Variants in CNTN4 observed in about 807,000 individuals in gnomAD.
CNTN4 encodes contactin 4, also known as contactin-4.
Under a neutral mutation model 122.5 loss-of-function variants are expected in CNTN4, and 77 were observed. The ratio of observed to expected loss-of-function variants is 0.63; its 90% CI spans 0.52 to 0.76. The LOEUF is 0.76. CNTN4 is among the 30% of genes least tolerant of loss of function. The probability of loss-of-function intolerance (pLI) is 0.00; values close to 1 mark genes in which losing one functional copy is unlikely to be tolerated. For missense variants in CNTN4, 1,256 were observed against 1,259.1 expected (o/e 1.00, Z 0.04); for synonymous variants, 512 against 447.0 (o/e 1.15, Z -1.83).
chr3:2,611,310 AAAG>A (rs1171794567), intron 4 of CNTN4, among the ~76,000 whole-genome samples: 10 of 129,642 alleles, frequency 7.7e-5, no homozygotes, highest in Non-Finnish European at 1.5e-4. Flanking sequence ...AAAAAAAAAA[AAAG>A]AAAGAAAGAA....
rs191806980 is a variant in CNTN4 at position 2,709,077 on chromosome 3, C to T, written c.56-27138C>T. Among the ~76,000 whole-genome samples, 21 of 152,202 alleles carry T rather than the reference C, an allele frequency of 1.4e-4. No individual in the cohort carries two copies. Among genetic ancestry groups the T allele is most frequent in the Non-Finnish European group, 2.5e-4 (17 of 68,020 alleles). On this transcript the variant is annotated intron_variant, in intron 4 of 24. Transcript: ENST00000418658. This position sits in a 1 kb window ranked among gnomAD's most constrained non-coding sequence, Gnocchi z 5.0. ...ATAGACCATCCCCCCTCTGCTGCCACTGAATTTCATTTAGACCTCGGTGGC... is the reference window on the plus strand; with the variant it reads ...ATAGACCATCCCCCCTCTGCTGCCATTGAATTTCATTTAGACCTCGGTGGC...
rs141874692 is a variant in CNTN4, at chr3:2,806,320, T to C, written c.359-13166T>C. Among the ~76,000 whole-genome samples the C allele has an allele frequency of 6.5e-3, 986 of 152,332 alleles. 10 individuals carry two copies. Among genetic ancestry groups the C allele is most frequent in the African/African-American group, 0.022 (930 of 41,578 alleles). ...TGATGTGCGTATCATATCTGGATTG[T>C]AAACGTCTTGAGATCAGGGACCATG... On this transcript the variant is annotated intron_variant, in intron 6 of 24. Transcript: ENST00000418658.
intron 3 of CNTN4, among the ~76,000 whole-genome samples, chr3:2,389,982 G>T (rs1174757540): frequency 6.6e-6 from 1 of 152,176 alleles, no homozygotes; most frequent in African/African-American, 2.4e-5. Context: ...CATGTCAAGT[G>T]TATATGAACT....
At chr3:2,201,429 A>C (rs11707162) in intron 2 of CNTN4, among the ~76,000 whole-genome samples, 6,804 of 152,278 alleles carry the variant, frequency 0.045, 265 homozygotes, top group African/African-American at 0.11. Flanking sequence ...GCAGAGAATC[A>C]CTTAATCAAC....
At chr3:2,875,812 C>G (rs1188965690) in intron 8 of CNTN4, among the ~76,000 whole-genome samples, 1 of 152,108 alleles carries the variant, frequency 6.6e-6, no homozygotes, top group Non-Finnish European at 1.5e-5. Flanking sequence ...ACATGGATAA[C>G]TTTTTAGTAG....
intron 14 of CNTN4, chr3:2,989,058 C>G (rs1023216684): frequency 1.3e-5 from 2 of 154,020 alleles, no homozygotes; most frequent in East Asian, 1.9e-4. Flanking sequence ...AGCAGAAAGT[C>G]CTTTATGCTC....
chr3:2,117,149 C>A (rs910757663), intron 2 of CNTN4, among the ~76,000 whole-genome samples: 1 of 152,182 alleles, frequency 6.6e-6, no homozygotes, highest in Non-Finnish European at 1.5e-5. Flanking sequence ...CTCTGGTTGC[C>A]TGTTTTAATG....
chr3:2,289,608 C>G (rs1408139665), intron 2 of CNTN4, among the ~76,000 whole-genome samples: 1 of 152,144 alleles, frequency 6.6e-6, no homozygotes, highest in African/African-American at 2.4e-5. Context: ...ATAAGATGGT[C>G]TTCCTGTCCC....
At chr3:3,036,041 A>G (rs915635061) in intron 17 of CNTN4, among the ~76,000 whole-genome samples, 1 of 152,158 alleles carries the variant, frequency 6.6e-6, no homozygotes, top group African/African-American at 2.4e-5. Context: ...TTTGCATGTA[A>G]AAGAATTCTT....
intron 4 of CNTN4, among the ~76,000 whole-genome samples, chr3:2,640,498 T>C (rs1352811795): frequency 6.6e-6 from 1 of 152,140 alleles, no homozygotes; most frequent in African/African-American, 2.4e-5. Context: ...GGGGGAAATG[T>C]AGTAAAGAAT....
intron 4 of CNTN4, among the ~76,000 whole-genome samples, chr3:2,583,369 GCCC>G (rs1193064368): frequency 6.6e-5 from 10 of 152,180 alleles, no homozygotes; most frequent in African/African-American, 2.4e-4. Flanking sequence ...TAATTCATTT[GCCC>G]AAGTTCACAT....
At position 2,118,307 on chromosome 3, in the gene CNTN4, A is replaced by T. The variant is rs2033509830; in HGVS notation, c.-145+17668A>T. On this transcript the variant is annotated intron_variant, in intron 2 of 24. Transcript: ENST00000418658. ...TACCTGATTGTGAGCTAAAGCTCTT[A>T]ACCAATTTGGAATCCTGGTTAAGAC... Among the ~76,000 whole-genome samples, 4 of 152,214 alleles carry T rather than the reference A, an allele frequency of 2.6e-5. No homozygotes were observed. In the South Asian group the frequency reaches 8.3e-4, roughly 31 times the overall value.
rs562120007 is a variant in CNTN4, at chr3:2,186,033, A to G, written c.-145+85394A>G. On this transcript the variant is annotated intron_variant, in intron 2 of 24. Transcript: ENST00000418658. Reference sequence around the variant, plus strand: ...GCCATGTTGCTGTGCTGCACCCATTAACTCGTCATTTACGTTAGGTATGTC... The same window carrying G: ...GCCATGTTGCTGTGCTGCACCCATTGACTCGTCATTTACGTTAGGTATGTC... Among the ~76,000 whole-genome samples, 16 of 152,060 alleles carry G rather than the reference A, an allele frequency of 1.1e-4. No individual in the cohort carries two copies. In the East Asian group the frequency reaches 3.1e-3, roughly 30 times the overall value.
At chr3:2,494,430 A>T (rs2076399710) in intron 3 of CNTN4, among the ~76,000 whole-genome samples, 1 of 152,198 alleles carries the variant, frequency 6.6e-6, no homozygotes, top group Non-Finnish European at 1.5e-5. Flanking sequence ...GCTCTGACTG[A>T]AGAGATGAGG....
intron 4 of CNTN4, among the ~76,000 whole-genome samples, chr3:2,704,531 A>G (rs761559332): frequency 2.0e-5 from 3 of 152,168 alleles, no homozygotes; most frequent in Non-Finnish European, 4.4e-5. Flanking sequence ...AAAATGGGTT[A>G]TCTAATGCAG....
At chr3:2,521,927 G>C (rs1480601277) in intron 3 of CNTN4, among the ~76,000 whole-genome samples, 2 of 152,120 alleles carry the variant, frequency 1.3e-5, no homozygotes, top group African/African-American at 4.8e-5. Flanking sequence ...TCACTAAAGA[G>C]AGTTGGCTCT....
chr3:2,334,147 C>T (rs2043845616), intron 2 of CNTN4, among the ~76,000 whole-genome samples: 1 of 151,978 alleles, frequency 6.6e-6, no homozygotes, highest in African/African-American at 2.4e-5. Context: ...ACTGGTTTGG[C>T]TTGTCTCATT....
intron 2 of CNTN4, among the ~76,000 whole-genome samples, chr3:2,127,222 C>A (rs1159850728): frequency 1.3e-5 from 2 of 152,154 alleles, no homozygotes; most frequent in East Asian, 3.9e-4. Flanking sequence ...GTCGGGTTCC[C>A]ATCACAGCCC....
chr3:2,148,980 TG>T (rs1344774755), intron 2 of CNTN4, among the ~76,000 whole-genome samples: 1 of 145,996 alleles, frequency 6.8e-6, no homozygotes, highest in Non-Finnish European at 1.5e-5. Flanking sequence ...GTTGGGGGGG[TG>T]GTGTCTAAGG....
Sources: gnomAD v4.1 joint callset for allele counts (sites outside exome capture counted in the v4.1 genomes callset) on GRCh38, gnomAD v4.1.1 for gene constraint, Gnocchi (gnomAD v3.1) non-coding constraint, MANE v1.5 for transcripts, NCBI Gene and HGNC (gene_info 2026-07-23, HGNC 2026-07-21) for gene names.